The following MYMX variants were observed in gnomAD, a reference collection of about 807,000 sequenced individuals.
The protein encoded by MYMX is myomixer, myoblast fusion factor.
At chr6:44,211,120 A>G in the MYMX span, among the ~76,000 whole-genome samples, 204 of 152,314 alleles carry the variant, frequency 1.3e-3, 2 homozygotes, top group South Asian at 0.026. Flanking sequence ...AAATAAACAA[A>G]CAAGTAAATA....
chr6:44,214,718 G>A (rs560270797), upstream of MYMX, among the ~76,000 whole-genome samples: 9 of 152,080 alleles, frequency 5.9e-5, no homozygotes, highest in Non-Finnish European at 8.8e-5. Context: ...GACTATAGGC[G>A]CATGCCAGCA....
the MYMX span, among the ~76,000 whole-genome samples, chr6:44,206,889 C>T: frequency 1.3e-5 from 2 of 152,102 alleles, no homozygotes; most frequent in Non-Finnish European, 2.9e-5. Context: ...CATGAAGTGA[C>T]AGGAGTATTC....
the MYMX span, among the ~76,000 whole-genome samples, chr6:44,206,461 G>A: frequency 9.4e-4 from 143 of 152,170 alleles, no homozygotes; most frequent in Non-Finnish European, 1.7e-3. Flanking sequence ...AAAACTCCTG[G>A]CCTCAAATGA....
At chr6:44,199,858 A>G in the MYMX span, among the ~76,000 whole-genome samples, 15 of 151,788 alleles carry the variant, frequency 9.9e-5, no homozygotes, top group Admixed American at 4.6e-4. Context: ...TAATTTTTGT[A>G]TTTTTTGGTA....
chr6:44,197,427 G>T, the MYMX span, among the ~76,000 whole-genome samples: 1 of 151,986 alleles, frequency 6.6e-6, no homozygotes, highest in Non-Finnish European at 1.5e-5. Flanking sequence ...CAGCTCCTCC[G>T]GAGGCTGAGG....
upstream of MYMX, among the ~76,000 whole-genome samples, chr6:44,215,143 G>A (rs1381166743): frequency 2.6e-5 from 4 of 152,144 alleles, no homozygotes; most frequent in Non-Finnish European, 4.4e-5. Context: ...TGCTAGTGGC[G>A]GCTGGTGGGG....
the MYMX span, among the ~76,000 whole-genome samples, chr6:44,199,179 T>G: frequency 1.3e-5 from 2 of 152,126 alleles, no homozygotes; most frequent in Admixed American, 1.3e-4. Flanking sequence ...TAGTGCCCTC[T>G]TATTTTTGTT....
the MYMX span, among the ~76,000 whole-genome samples, chr6:44,211,068 T>C: frequency 6.6e-6 from 1 of 152,184 alleles, no homozygotes; most frequent in Non-Finnish European, 1.5e-5. Flanking sequence ...TGAGCTATGA[T>C]GGCTCCACTG....
chr6:44,208,858 A>C, the MYMX span, among the ~76,000 whole-genome samples: 1 of 152,206 alleles, frequency 6.6e-6, no homozygotes, highest in East Asian at 1.9e-4. Context: ...TCACAAGTTC[A>C]GAAGACACAG....
At chr6:44,209,273 T>G in the MYMX span, among the ~76,000 whole-genome samples, 5 of 151,968 alleles carry the variant, frequency 3.3e-5, no homozygotes, top group Admixed American at 6.6e-5. Flanking sequence ...TTCGTGCTCT[T>G]AAAGGACTCA....
chr6:44,193,516 G>C, the MYMX span, among the ~76,000 whole-genome samples: 1 of 152,192 alleles, frequency 6.6e-6, no homozygotes, highest in South Asian at 2.1e-4. Flanking sequence ...CAGTAGAGGA[G>C]CTGGGATTTG....
the MYMX span, among the ~76,000 whole-genome samples, chr6:44,203,941 G>A: frequency 6.6e-6 from 1 of 152,048 alleles, no homozygotes; most frequent in African/African-American, 2.4e-5. Context: ...TCTGCCTCCC[G>A]GGTTCAAGAG....
chr6:44,210,975 C>CA, the MYMX span, among the ~76,000 whole-genome samples: 1 of 152,116 alleles, frequency 6.6e-6, no homozygotes, highest in Non-Finnish European at 1.5e-5. Context: ...GCCTGGGCGA[C>CA]AGAGCAAGAC....
chr6:44,215,227 C>T (rs1775796551), upstream of MYMX, among the ~76,000 whole-genome samples: 1 of 152,186 alleles, frequency 6.6e-6, no homozygotes, highest in Non-Finnish European at 1.5e-5. Context: ...TCATCTGATC[C>T]AGCAAGGCAG....
chr6:44,211,619 CTTTTT>C, the MYMX span, among the ~76,000 whole-genome samples: 1 of 137,422 alleles, frequency 7.3e-6, no homozygotes, highest in African/African-American at 2.6e-5. Context: ...CTTTTCTTTT[CTTTTT>C]TTTTTTTTTT....
chr6:44,196,403 G>A, the MYMX span, among the ~76,000 whole-genome samples: 1 of 152,158 alleles, frequency 6.6e-6, no homozygotes, highest in South Asian at 2.1e-4. Flanking sequence ...TTTAGGCTGG[G>A]AGCAGTGGCT....
chr6:44,215,676 C>G (rs1476302621), upstream of MYMX, among the ~76,000 whole-genome samples: 2 of 152,198 alleles, frequency 1.3e-5, no homozygotes, highest in African/African-American at 4.8e-5. Flanking sequence ...GGGTGGAGCA[C>G]CTGAGGTCAG....
chr6:44,209,626 C>T, the MYMX span: 23 of 152,214 alleles, frequency 1.5e-4, no homozygotes, highest in African/African-American at 5.5e-4. Context: ...TTAAAATATA[C>T]CTTTTGGCAG....
chr6:44,210,281 T>TTGTTG, the MYMX span, among the ~76,000 whole-genome samples: 1 of 148,352 alleles, frequency 6.7e-6, no homozygotes, highest in African/African-American at 2.5e-5. Flanking sequence ...ATGTTTTGTT[T>TTGTTG]TGTTTTGTTT....
Sources: allele counts gnomAD v4.1 joint callset (sites outside exome capture counted in the v4.1 genomes callset), GRCh38; gene constraint gnomAD v4.1.1; transcripts MANE v1.5; gene names NCBI Gene and HGNC (gene_info 2026-07-23, HGNC 2026-07-21).